The following SLITRK4 variants were observed in gnomAD, a reference collection of about 807,000 sequenced individuals.
SLITRK4 encodes the protein SLIT and NTRK like family member 4.
Under a neutral mutation model 34.7 loss-of-function variants are expected in SLITRK4, and 7 were observed. That is an observed-to-expected ratio of 0.20 (90% CI 0.11 to 0.38). The LOEUF is 0.38. Among genes scored for constraint, SLITRK4 ranks in the 10% least tolerant of loss-of-function variants. The pLI is 1.00. For synonymous variants in SLITRK4, 237 were observed against 246.2 expected (o/e 0.96, Z 0.35); for missense variants, 474 against 607.0 (o/e 0.78, Z 2.30).
intron 1 of SLITRK4, among the ~76,000 whole-genome samples, chrX:143,632,006 T>C (rs1044022043): frequency 1.7e-4 from 19 of 111,875 alleles, no homozygotes; most frequent in African/African-American, 6.2e-4. Context: ...CCAGGCAGTC[T>C]TTCCACTTTG....
Position 143,629,159 on chromosome X carries a change from T to C in SLITRK4, c.1950A>G (p.Thr650=). ...GATTCCCCAGGCCTTCGTGCTTCAC[T>C]GTGGGTTTCTTGTTGCGTCGCAGGA... ...VFVLRRNKKP[T]VKHEGLGNPD... Residue 650 remains threonine (T), a synonymous_variant, in exon 2 of 2, where the codon ACA becomes ACG. Coordinates refer to ENST00000356928, the MANE Select transcript of SLITRK4 (RefSeq NM_001184749.3). 1.7e-6 allele frequency: 2 copies of C among 1,211,836 alleles called. No homozygotes were observed. Among genetic ancestry groups the C allele is most frequent in the Non-Finnish European group, 2.2e-6 (2 of 895,565 alleles).
At position 143,623,008 on chromosome X, in the gene SLITRK4, G is replaced by A. The variant is rs1198431958; in HGVS notation, c.*5587C>T. ...CTTCCTGCAGCTATTAACCAGCAGCGTCTGACATGATCTAGTATTTGTGAG... is the reference window on the plus strand; with the variant it reads ...CTTCCTGCAGCTATTAACCAGCAGCATCTGACATGATCTAGTATTTGTGAG... On this transcript the variant is annotated 3_prime_UTR_variant, in exon 2 of 2. Coordinates refer to ENST00000356928, the MANE Select transcript of SLITRK4 (RefSeq NM_001184749.3). 3 of 110,260 alleles carry A rather than the reference G, an allele frequency of 2.7e-5. No homozygotes were observed. Among genetic ancestry groups the A allele is most frequent in the African/African-American group, 9.9e-5 (3 of 30,302 alleles). The allele number at this position is 110,260 out of a possible 1,213,427, so 9.1% of individuals were successfully genotyped here. A position where few individuals can be genotyped will look rare whatever the true frequency, so the allele number is the denominator to read the frequency against.
Position 143,626,759 on chromosome X carries a change from GAGAT to G in SLITRK4, c.*1832_*1835del, listed in dbSNP as rs1445939368. 2 of 106,540 alleles carry G rather than the reference GAGAT, an allele frequency of 1.9e-5. No individual in the cohort carries two copies. Among genetic ancestry groups the G allele is most frequent in the African/African-American group, 6.8e-5 (2 of 29,323 alleles). The allele number at this position is 106,540 out of a possible 1,213,427, so 8.8% of individuals were successfully genotyped here. On this transcript the variant is annotated 3_prime_UTR_variant, in exon 2 of 2. Transcript: ENST00000356928. ...TTACTGATTCATAAGGTAATTATAA[GAGAT>G]AGGACACACACTCTCACACATGCAC...
At position 143,623,091 on chromosome X, in the gene SLITRK4, A is replaced by G. The variant is rs782200128; in HGVS notation, c.*5504T>C. 1 of 111,155 alleles carries G rather than the reference A, an allele frequency of 9.0e-6. No homozygotes were observed. Among genetic ancestry groups the G allele is most frequent in the South Asian group, 3.8e-4 (1 of 2,653 alleles). The allele number at this position is 111,155 out of a possible 1,213,427, so 9.2% of individuals were successfully genotyped here. ...CTTGAAAAGACTATTTCCTTCCTAT[A>G]GCTAATTTAAAGGCACTGCTCTATG... On this transcript the variant is annotated 3_prime_UTR_variant, in exon 2 of 2. Coordinates refer to ENST00000356928, the MANE Select transcript of SLITRK4 (RefSeq NM_001184749.3).
intron 1 of SLITRK4, among the ~76,000 whole-genome samples, chrX:143,633,513 G>C (rs1303199478): frequency 1.8e-5 from 2 of 110,835 alleles, no homozygotes; most frequent in African/African-American, 6.6e-5. Context: ...TCTTCCTCTC[G>C]GTGCCCTGAA....
At chrX:143,633,161 A>G (rs1271121296) in intron 1 of SLITRK4, among the ~76,000 whole-genome samples, 1 of 110,598 alleles carries the variant, frequency 9.0e-6, no homozygotes, top group East Asian at 2.9e-4. Flanking sequence ...GGAAGTTCCC[A>G]AATGCAGCTC....
At chrX:143,632,619 C>G (rs995429091) in intron 1 of SLITRK4, among the ~76,000 whole-genome samples, 1 of 111,661 alleles carries the variant, frequency 9.0e-6, no homozygotes, top group Non-Finnish European at 1.9e-5. Flanking sequence ...CACGAGGAAT[C>G]AGCTAGTGGT....
rs1556428256 is a variant in SLITRK4 at position 143,630,879 on chromosome X, T to C, written c.230A>G (p.Asn77Ser). Reference sequence around the variant, plus strand: ...TGCATGTGAAAAATTCAAGAATGTATTTGGATACAGAATATTTAAAAAATT... The same window carrying C: ...TGCATGTGAAAAATTCAAGAATGTACTTGGATACAGAATATTTAAAAAATT... Reference protein sequence around the residue: ...QNNFLNILYPNTFLNFSHAVS... With the variant: ...QNNFLNILYPSTFLNFSHAVS... The change falls in exon 2 of 2, where the codon AAT (asparagine) becomes AGT (serine). Residue 77 changes from asparagine (N) to serine (S), a missense_variant. Transcript: ENST00000356928. 1 of 1,204,622 alleles carries C rather than the reference T, an allele frequency of 8.3e-7. No homozygotes were observed. Among genetic ancestry groups the C allele is most frequent in the Middle Eastern group, 2.3e-4 (1 of 4,308 alleles).
chrX:143,630,161 A>G lies in SLITRK4; in HGVS notation c.948T>C (p.Val316=), dbSNP rs1930971901. The G allele has an allele frequency of 1.7e-6, 2 of 1,211,753 alleles. No homozygotes were observed. Among genetic ancestry groups the G allele is most frequent in the Non-Finnish European group, 2.2e-6 (2 of 895,533 alleles). ...TTNPSKISGI[V]AGKALSNRNL... is the part of the protein sequence containing the mutation. ...TGCGGTTGGAGAGGGCTTTGCCTGC[A>G]ACGATTCCAGAGATCTTGGAAGGAT... The change falls in exon 2 of 2, where the codon GTT becomes GTC. Residue 316 remains valine (V), a synonymous_variant. Transcript: ENST00000356928.
At chrX:143,634,289 G>C (rs1931150829) in intron 1 of SLITRK4, 1 of 112,579 alleles carries the variant, frequency 8.9e-6, no homozygotes, top group African/African-American at 3.2e-5. Flanking sequence ...CGCGCTGGCA[G>C]CGCTCGCCTG....
Position 143,628,130 on chromosome X carries a change from T to TTTTTTTTTTTTTTGG in SLITRK4, c.*464_*465insCCAAAAAAAAAAAAA. ...TTTTTTTTTTTTTTTTTTTTTTTAC[T>TTTTTTTTTTTTTTGG]TTTCAGATAATCTTTACACGGAGTT... is the stretch of plus-strand genomic sequence containing the variant. On this transcript the variant is annotated 3_prime_UTR_variant, in exon 2 of 2. Transcript: ENST00000356928. The TTTTTTTTTTTTTTGG allele has an allele frequency of 5.2e-6, 1 of 193,023 alleles. No individual in the cohort carries two copies. The allele number at this position is 193,023 out of a possible 1,213,427, so 15.9% of individuals were successfully genotyped here.
chrX:143,628,420 C>T lies in SLITRK4; in HGVS notation c.*175G>A. 2 of 428,583 alleles carry T rather than the reference C, an allele frequency of 4.7e-6. No individual in the cohort carries two copies. Among genetic ancestry groups the T allele is most frequent in the Non-Finnish European group, 7.9e-6 (2 of 253,579 alleles). The allele number at this position is 428,583 out of a possible 1,213,427, so 35.3% of individuals were successfully genotyped here. A position where few individuals can be genotyped will look rare whatever the true frequency, so the allele number is the denominator to read the frequency against. ...CAGTATAGGTTTTATGTAGTAAAAT[C>T]TATTAAACAAATTCTCTTCTACTTG... On this transcript the variant is annotated 3_prime_UTR_variant, in exon 2 of 2. Coordinates refer to ENST00000356928, the MANE Select transcript of SLITRK4 (RefSeq NM_001184749.3).
rs1380565816 is a variant in SLITRK4, at chrX:143,635,982, G to A, written c.-298C>T. Among the ~76,000 whole-genome samples, 16 of 108,377 alleles carry A rather than the reference G, an allele frequency of 1.5e-4. No homozygotes were observed. Among genetic ancestry groups the A allele is most frequent in the African/African-American group, 4.4e-4 (13 of 29,709 alleles). 94.1% of individuals were successfully genotyped at this position (108,377 alleles called of 115,157 possible). ...TTATCCGCACCTTAGAACTCCGTGGGCCTTTGGTGCAGAATGGGTTAAGCC... is the reference window on the plus strand; with the variant it reads ...TTATCCGCACCTTAGAACTCCGTGGACCTTTGGTGCAGAATGGGTTAAGCC... On this transcript the variant is annotated 5_prime_UTR_variant, in exon 1 of 2. Coordinates refer to ENST00000356928, the MANE Select transcript of SLITRK4 (RefSeq NM_001184749.3).
In SLITRK4 at chrX:143,629,470, C is replaced by G; in HGVS notation, c.1639G>C (p.Glu547Gln). The change falls in exon 2 of 2, where the codon GAG (glutamate) becomes CAG (glutamine). Residue 547 changes from glutamate to glutamine, a missense_variant. Glu to Gln is a conservative substitution (Grantham distance 29). This residue lies in a region of SLITRK4 where 345 missense variants were observed against 406.5 expected (regional missense o/e 0.85). Transcript: ENST00000356928. The stretch of plus-strand genomic sequence containing the variant: ...ACAACAATCCCGTCGCTCAACTTCT[C>G]CACCCACAGCTTTAATGCCACCAAG... ...CDLVALKLWVEKLSDGIVVKE... is the reference protein window; with the variant it reads ...CDLVALKLWVQKLSDGIVVKE... 1 of 1,211,708 alleles carries G rather than the reference C, an allele frequency of 8.3e-7. No individual in the cohort carries two copies. The highest frequency in any genetic ancestry group is 1.8e-5 in the South Asian group (1 of 56,973).
intron 1 of SLITRK4, among the ~76,000 whole-genome samples, chrX:143,633,659 T>A (rs1931124083): frequency 9.0e-6 from 1 of 111,240 alleles, no homozygotes; most frequent in Non-Finnish European, 1.9e-5. Flanking sequence ...GGCAGAACAC[T>A]GATGGGCTTC....
In SLITRK4 at chrX:143,626,845, C is replaced by G. The variant is rs1206036624; in HGVS notation, c.*1750G>C. The G allele has an allele frequency of 2.8e-5, 3 of 106,409 alleles. No individual in the cohort carries two copies. The highest frequency in any genetic ancestry group is 3.0e-4 in the East Asian group (1 of 3,371). 8.8% of individuals were successfully genotyped at this position (106,409 alleles called of 1,213,427 possible). A position where few individuals can be genotyped will look rare whatever the true frequency, so the allele number is the denominator to read the frequency against. On this transcript the variant is annotated 3_prime_UTR_variant, in exon 2 of 2. Transcript: ENST00000356928. ...ACACATACATATATGTATATATATA[C>G]ACACACATATATATACACACGCATA...
In SLITRK4 at chrX:143,630,286, G is replaced by A; in HGVS notation, c.823C>T (p.Leu275=). Reference sequence around the variant, plus strand: ...CCATTTTCCAGCTGAGATGGAGGCAGGATGCGCACGTCAAAATCACTGCCG... The same window carrying A: ...CCATTTTCCAGCTGAGATGGAGGCAAGATGCGCACGTCAAAATCACTGCCG... ...GTGSDFDVRI[L]PPSQLENGYT... Residue 275 remains leucine (L), a synonymous_variant, in exon 2 of 2, where the codon CTG becomes TTG. Transcript: ENST00000356928. The A allele has an allele frequency of 8.3e-7, 1 of 1,211,868 alleles. No homozygotes were observed. Among genetic ancestry groups the A allele is most frequent in the Non-Finnish European group, 1.1e-6 (1 of 895,549 alleles).
At position 143,629,074 on chromosome X, in the gene SLITRK4, C is replaced by T; in HGVS notation, c.2035G>A (p.Asp679Asn). ...RKHDHKTNKK[D>N]GLSTEAFIPQ... Reference sequence around the variant, plus strand: ...ATGAAAGCTTCTGTGCTCAGTCCATCTTTTTTATTGGTTTTGTGGTCATGC... The same window carrying T: ...ATGAAAGCTTCTGTGCTCAGTCCATTTTTTTTATTGGTTTTGTGGTCATGC... Residue 679 changes from aspartate (D) to asparagine (N), a missense_variant, in exon 2 of 2, where the codon GAT becomes AAT. By Grantham distance (23) the Asp-to-Asn change is conservative. This residue lies in a region of SLITRK4 where 345 missense variants were observed against 406.5 expected (regional missense o/e 0.85). Transcript: ENST00000356928. 1 of 1,211,871 alleles carries T rather than the reference C, an allele frequency of 8.3e-7. No homozygotes were observed. Among genetic ancestry groups the T allele is most frequent in the African/African-American group, 1.7e-5 (1 of 57,803 alleles).
rs782739566 is a variant in SLITRK4 at position 143,627,919 on chromosome X, T to G, written c.*676A>C. On this transcript the variant is annotated 3_prime_UTR_variant, in exon 2 of 2. Coordinates refer to ENST00000356928, the MANE Select transcript of SLITRK4 (RefSeq NM_001184749.3). Reference sequence around the variant, plus strand: ...GTTGATTTTTTCTTTTAGATTTTTATGTATAGACAGGTAATGCTTAAAGTG... The same window carrying G: ...GTTGATTTTTTCTTTTAGATTTTTAGGTATAGACAGGTAATGCTTAAAGTG... The G allele has an allele frequency of 9.0e-5, 17 of 189,845 alleles. No individual in the cohort carries two copies. Among genetic ancestry groups the G allele is most frequent in the Non-Finnish European group, 1.4e-4 (15 of 104,910 alleles). 15.6% of individuals were successfully genotyped at this position (189,845 alleles called of 1,213,427 possible).
Sources: allele counts gnomAD v4.1 joint callset (sites outside exome capture counted in the v4.1 genomes callset), GRCh38; gene constraint gnomAD v4.1.1; regional missense constraint gnomAD v4.1.1; transcripts MANE v1.5; gene names NCBI Gene and HGNC (gene_info 2026-07-23, HGNC 2026-07-21).